Variants in ERBB4 observed in about 807,000 individuals in gnomAD.
ERBB4 encodes the protein erb-b2 receptor tyrosine kinase 4.
A neutral mutation model predicts 158.0 loss-of-function variants in ERBB4; 42 were observed. The ratio of observed to expected loss-of-function variants is 0.27; its 90% CI spans 0.21 to 0.34. The LOEUF (loss-of-function observed/expected upper bound fraction) is 0.34, where lower values mean the gene tolerates loss of function less well. Among genes scored for constraint, ERBB4 ranks in the 10% least tolerant of loss-of-function variants. The pLI is 1.00. For missense variants in ERBB4, 1,333 were observed against 1,624.1 expected, an observed-to-expected ratio of 0.82 and a Z score of 3.08; for synonymous variants, 583 against 558.7, an observed-to-expected ratio of 1.04 and a Z score of -0.61.
chr2:211,744,710 T>C (rs1167647740), intron 5 of ERBB4, among the ~76,000 whole-genome samples: 1 of 152,226 alleles, frequency 6.6e-6, no homozygotes, highest in East Asian at 1.9e-4. Flanking sequence ...GCACATTTGC[T>C]AGGAGACACC....
intron 5 of ERBB4, among the ~76,000 whole-genome samples, chr2:211,735,536 G>C (rs1199646585): frequency 6.6e-6 from 1 of 152,160 alleles, no homozygotes; most frequent in Admixed American, 6.5e-5. Flanking sequence ...ACACGTGTCT[G>C]CATTACGTCT....
At chr2:211,835,566 T>C (rs993381260) in intron 3 of ERBB4, among the ~76,000 whole-genome samples, 2 of 152,110 alleles carry the variant, frequency 1.3e-5, no homozygotes, top group South Asian at 2.1e-4. Context: ...CAATATGAAG[T>C]CACATTCAGT....
chr2:212,156,682 T>C (rs2081045219), intron 1 of ERBB4, among the ~76,000 whole-genome samples: 1 of 152,148 alleles, frequency 6.6e-6, no homozygotes, highest in Admixed American at 6.6e-5. Context: ...AGTTCTTGTA[T>C]TTGTCACTTT....
At chr2:212,350,957 T>A (rs1244436114) in intron 1 of ERBB4, among the ~76,000 whole-genome samples, 2 of 152,050 alleles carry the variant, frequency 1.3e-5, no homozygotes, top group Non-Finnish European at 2.9e-5. Context: ...CACACATATC[T>A]CCATGGAGCA....
At position 211,913,619 on chromosome 2, in the gene ERBB4, ATGTGTG is replaced by A. The variant is rs34762084; in HGVS notation, c.421+33805_421+33810del. Among the ~76,000 whole-genome samples, 687 of 132,798 alleles carry A rather than the reference ATGTGTG, an allele frequency of 5.2e-3. 2 individuals are homozygous for A. Among genetic ancestry groups the A allele is most frequent in the South Asian group, 0.02 (76 of 3,786 alleles). 87.1% of individuals were successfully genotyped at this position (132,798 alleles called of 152,430 possible). Reference sequence around the variant, plus strand: ...CTATTTCAAAAAAATATATATATATATGTGTGTGTGTGTGTGTGTGTGTGTGTGTGT... The same window carrying A: ...CTATTTCAAAAAAATATATATATATATGTGTGTGTGTGTGTGTGTGTGTGT... On this transcript the variant is annotated intron_variant, in intron 3 of 27. Coordinates refer to ENST00000342788, the MANE Select transcript of ERBB4 (RefSeq NM_005235.3).
intron 1 of ERBB4, among the ~76,000 whole-genome samples, chr2:212,336,128 T>G (rs1040495937): frequency 2.6e-5 from 4 of 151,954 alleles, no homozygotes; most frequent in African/African-American, 9.7e-5. Flanking sequence ...GAAAAAAAAT[T>G]AAATTAGCAT....
At chr2:211,772,129 A>T (rs144354223) in intron 4 of ERBB4, among the ~76,000 whole-genome samples, 60 of 152,288 alleles carry the variant, frequency 3.9e-4, no homozygotes, top group African/African-American at 1.4e-3. Flanking sequence ...GAAATACTAC[A>T]TAATGGTGTG....
intron 1 of ERBB4, among the ~76,000 whole-genome samples, chr2:212,132,290 T>A (rs1046201195): frequency 6.6e-6 from 1 of 152,166 alleles, no homozygotes; most frequent in Non-Finnish European, 1.5e-5. Flanking sequence ...GAGATGCATA[T>A]GGGTGCTATG....
intron 25 of ERBB4, among the ~76,000 whole-genome samples, 183 bp from the exon 26 acceptor site, chr2:211,388,175 A>G (rs1286383945): frequency 1.3e-5 from 2 of 152,208 alleles, no homozygotes; most frequent in African/African-American, 4.8e-5. Context: ...AAGCTTATTT[A>G]TATGTTTTGA....
chr2:212,455,932 T>C (rs1157907101), intron 1 of ERBB4, among the ~76,000 whole-genome samples: 3 of 152,122 alleles, frequency 2.0e-5, no homozygotes, highest in African/African-American at 7.2e-5. Context: ...GAAAAATAAA[T>C]GATCATCCCT....
At chr2:211,588,602 C>T (rs187127283) in intron 19 of ERBB4, among the ~76,000 whole-genome samples, 2 of 151,902 alleles carry the variant, frequency 1.3e-5, no homozygotes, top group South Asian at 2.1e-4. Context: ...AAAATAAGTG[C>T]TATTATTATT....
intron 1 of ERBB4, among the ~76,000 whole-genome samples, chr2:212,456,875 C>T (rs902765476): frequency 2.6e-4 from 39 of 151,814 alleles, no homozygotes; most frequent in African/African-American, 8.9e-4. Context: ...AGTAGACAGA[C>T]AAAATTGATT....
intron 20 of ERBB4, among the ~76,000 whole-genome samples, chr2:211,552,996 T>C (rs1024899970): frequency 7.3e-5 from 11 of 150,142 alleles, no homozygotes; most frequent in Non-Finnish European, 1.5e-5. Flanking sequence ...TGAGATGGAG[T>C]CTCACTCTGT....
chr2:212,072,320 C>T (rs1178470018), intron 2 of ERBB4, among the ~76,000 whole-genome samples: 1 of 151,904 alleles, frequency 6.6e-6, no homozygotes, highest in Non-Finnish European at 1.5e-5. Context: ...TCCAACTCAT[C>T]CTACTTTAGA....
intron 16 of ERBB4, among the ~76,000 whole-genome samples, chr2:211,635,445 ATTACTCATCTAAAATATGTAT>A (rs1316214379): frequency 6.6e-6 from 1 of 152,186 alleles, no homozygotes; most frequent in African/African-American, 2.4e-5. Context: ...TCCAAGCTAT[ATTACTCATCTAAAATATGTAT>A]ATTCTTAATT....
intron 1 of ERBB4, among the ~76,000 whole-genome samples, chr2:212,226,968 G>A (rs756693291): frequency 1.3e-5 from 2 of 152,062 alleles, no homozygotes; most frequent in Non-Finnish European, 2.9e-5. Flanking sequence ...TCACAGGCCC[G>A]GGTGCAATGG....
intron 1 of ERBB4, among the ~76,000 whole-genome samples, chr2:212,193,794 T>C (rs1399711552): frequency 6.6e-6 from 1 of 152,144 alleles, no homozygotes; most frequent in Non-Finnish European, 1.5e-5. Context: ...GGGATGTATG[T>C]AGATGAGTAA....
chr2:211,796,416 A>G (rs1306283611), intron 3 of ERBB4, among the ~76,000 whole-genome samples: 4 of 152,110 alleles, frequency 2.6e-5, no homozygotes, highest in African/African-American at 7.2e-5. Flanking sequence ...AACTGCTGCT[A>G]TGCACTTCCT....
intron 20 of ERBB4, among the ~76,000 whole-genome samples, chr2:211,497,281 G>T (rs1294794266): frequency 6.6e-6 from 1 of 151,742 alleles, no homozygotes; most frequent in East Asian, 1.9e-4. Context: ...ATGCAAACAC[G>T]AGTTAAAAAA....
Sources: gnomAD v4.1 joint callset for allele counts (sites outside exome capture counted in the v4.1 genomes callset) on GRCh38, gnomAD v4.1.1 for gene constraint, MANE v1.5 for transcripts, NCBI Gene and HGNC (gene_info 2026-07-23, HGNC 2026-07-21) for gene names.